Variants in CSMD1 observed in about 807,000 individuals in gnomAD.
The protein encoded by CSMD1 is CUB and Sushi multiple domains 1, also known as CUB and sushi domain-containing protein 1.
CSMD1 carries 213 observed loss-of-function variants against 417.5 expected under a neutral mutation model. The observed-to-expected ratio is 0.51, with a 90% CI of 0.46 to 0.57. CSMD1 has a LOEUF of 0.57. Ranked by LOEUF, CSMD1 falls within the 20% of genes least tolerant of loss-of-function variation. The pLI is 0.00. For synonymous variants in CSMD1, 2,862 were observed against 1,736.8 expected, an observed-to-expected ratio of 1.65 and a Z score of -16.11; for missense variants, 6,923 against 4,529.7, an observed-to-expected ratio of 1.53 and a Z score of -15.17.
At chr8:3,067,851 G>C (rs1431723582) in intron 49 of CSMD1, among the ~76,000 whole-genome samples, 1 of 151,776 alleles carries the variant, frequency 6.6e-6, no homozygotes, top group African/African-American at 2.4e-5. Flanking sequence ...CTAACAATAT[G>C]AGTCAATATT....
intron 49 of CSMD1, among the ~76,000 whole-genome samples, chr8:3,064,615 A>G (rs1435640265): frequency 6.6e-6 from 1 of 152,226 alleles, no homozygotes; most frequent in African/African-American, 2.4e-5. Context: ...AGAAATAAAC[A>G]TATGATCCAA....
intron 3 of CSMD1, among the ~76,000 whole-genome samples, chr8:4,102,205 G>A (rs928601790): frequency 2.0e-5 from 3 of 152,132 alleles, no homozygotes; most frequent in Non-Finnish European, 2.9e-5. Flanking sequence ...TGTCTCTTTT[G>A]TAATTTAGGA....
intron 10 of CSMD1, among the ~76,000 whole-genome samples, chr8:3,524,944 T>G (rs1797693434): frequency 6.6e-6 from 1 of 152,146 alleles, no homozygotes; most frequent in South Asian, 2.1e-4. Context: ...AAAAAAATGT[T>G]TCTAAAAAGC....
At chr8:4,988,606 G>T (rs1811301708) in intron 1 of CSMD1, among the ~76,000 whole-genome samples, 1 of 152,182 alleles carries the variant, frequency 6.6e-6, no homozygotes, top group Non-Finnish European at 1.5e-5. Flanking sequence ...TTTAGAGTTG[G>T]TGGATGAGAC....
chr8:4,004,525 C>T (rs1815954773), intron 4 of CSMD1, among the ~76,000 whole-genome samples: 1 of 150,780 alleles, frequency 6.6e-6, no homozygotes, highest in Admixed American at 6.6e-5. Context: ...ACAATGAAAA[C>T]ATAAAAATGA....
At chr8:3,609,828 T>C (rs1801802506) in intron 8 of CSMD1, among the ~76,000 whole-genome samples, 1 of 135,720 alleles carries the variant, frequency 7.4e-6, no homozygotes, top group Admixed American at 7.3e-5. Flanking sequence ...TTTTTTTTTT[T>C]TTTTTTTTGA....
At chr8:3,654,446 A>G (rs995661099) in intron 7 of CSMD1, among the ~76,000 whole-genome samples, 2 of 152,220 alleles carry the variant, frequency 1.3e-5, no homozygotes, top group African/African-American at 2.4e-5. Context: ...TAGGGAAAAG[A>G]TAATGGTACA....
At chr8:3,630,558 A>G (rs1796731097) in intron 7 of CSMD1, among the ~76,000 whole-genome samples, 1 of 152,176 alleles carries the variant, frequency 6.6e-6, no homozygotes, top group African/African-American at 2.4e-5. Flanking sequence ...AGCCAATTAG[A>G]GGAAGAAGGA....
chr8:4,092,987 G>C (rs1017890184), intron 3 of CSMD1, among the ~76,000 whole-genome samples: 4 of 151,874 alleles, frequency 2.6e-5, no homozygotes, highest in African/African-American at 7.3e-5. Flanking sequence ...TATACATAGT[G>C]GGGGTCAAAG....
intron 30 of CSMD1, among the ~76,000 whole-genome samples, chr8:3,207,006 G>T (rs1338997826): frequency 1.3e-5 from 2 of 152,038 alleles, no homozygotes; most frequent in Non-Finnish European, 2.9e-5. Flanking sequence ...CCCTTACCAT[G>T]CTGGCTGTGG....
intron 3 of CSMD1, among the ~76,000 whole-genome samples, chr8:4,376,049 A>C (rs556187569): frequency 6.6e-6 from 1 of 152,202 alleles, no homozygotes; most frequent in Non-Finnish European, 1.5e-5. Context: ...CTTGATATCT[A>C]TACTGAAGCT....
At chr8:3,099,037 C>A (rs184200433) in intron 46 of CSMD1, among the ~76,000 whole-genome samples, 1 of 152,092 alleles carries the variant, frequency 6.6e-6, no homozygotes, top group Non-Finnish European at 1.5e-5. Context: ...CCCCCAAACC[C>A]CTCTGTACTG....
At chr8:3,407,256 G>A (rs982253879) in intron 14 of CSMD1, among the ~76,000 whole-genome samples, 1 of 151,848 alleles carries the variant, frequency 6.6e-6, no homozygotes, top group Non-Finnish European at 1.5e-5. Context: ...AGGATGAATG[G>A]AAGGATATGG....
intron 5 of CSMD1, among the ~76,000 whole-genome samples, chr8:3,950,634 C>G (rs1214432064): frequency 6.6e-6 from 1 of 152,164 alleles, no homozygotes; most frequent in African/African-American, 2.4e-5. Flanking sequence ...CGTGTTTGAT[C>G]TTTTTCTTCA....
At chr8:4,655,956 G>C (rs1297462359) in intron 1 of CSMD1, among the ~76,000 whole-genome samples, 1 of 152,102 alleles carries the variant, frequency 6.6e-6, no homozygotes, top group Non-Finnish European at 1.5e-5. Flanking sequence ...GTGCTCCCTG[G>C]AGTTCCATGT....
At chr8:2,998,284 G>C in intron 53 of CSMD1, 100 bp from the exon 54 acceptor site, 1 of 1,234,372 alleles carries the variant, frequency 8.1e-7, no homozygotes, top group Admixed American at 2.0e-5. Context: ...TAACGGTATG[G>C]ACTGAAGGTT....
chr8:3,930,589 C>G (rs760784599), intron 5 of CSMD1, among the ~76,000 whole-genome samples: 1 of 150,218 alleles, frequency 6.7e-6, no homozygotes, highest in Non-Finnish European at 1.5e-5. Flanking sequence ...CCGTTCCAGC[C>G]AAAGGAAACG....
At chr8:3,770,482 T>C (rs181011999) in intron 5 of CSMD1, among the ~76,000 whole-genome samples, 1 of 151,894 alleles carries the variant, frequency 6.6e-6, no homozygotes, top group South Asian at 2.1e-4. Flanking sequence ...TGAGCCAAGA[T>C]CACACCACTG....
At position 4,290,258 on chromosome 8, in the gene CSMD1, G is replaced by A. The variant is rs563719945; in HGVS notation, c.415+129695C>T. On this transcript the variant is annotated intron_variant, in intron 3 of 69. Coordinates refer to ENST00000635120, the MANE Select transcript of CSMD1 (RefSeq NM_033225.6). ...CCATGTGTTTAGGCCCGAGGGTGAT[G>A]TTTGTTAGAAGAAAAGCATGGTTTT... 3.2e-4 allele frequency among the ~76,000 whole-genome samples: 48 copies of A among 152,308 alleles called. 1 individual carries two copies. The East Asian group carries it at 7.9e-3, about 25-fold the overall frequency.
Sources: allele counts gnomAD v4.1 joint callset (sites outside exome capture counted in the v4.1 genomes callset), GRCh38; gene constraint gnomAD v4.1.1; transcripts MANE v1.5; gene names NCBI Gene and HGNC (gene_info 2026-07-23, HGNC 2026-07-21).